CSGALNACT1: variants seen among roughly 807,000 people sequenced by gnomAD.
CSGALNACT1 encodes the protein chondroitin sulfate N-acetylgalactosaminyltransferase 1.
CSGALNACT1 carries 52 observed loss-of-function variants against 51.0 expected under a neutral mutation model. That is an observed-to-expected ratio of 1.02 (90% CI 0.82 to 1.29). CSGALNACT1 has a LOEUF of 1.29. Among genes scored for constraint, CSGALNACT1 ranks in the 50% most tolerant of loss-of-function variants. The probability of loss-of-function intolerance (pLI) is 0.00; values close to 1 mark genes in which losing one functional copy is unlikely to be tolerated. For missense variants in CSGALNACT1, 935 were observed against 679.2 expected (o/e 1.38, Z -4.19); for synonymous variants, 341 against 254.4 (o/e 1.34, Z -3.24).
At chr8:19,591,127 T>A (rs2047727199) in intron 3 of CSGALNACT1, 1 of 152,214 alleles carries the variant, frequency 6.6e-6, no homozygotes, top group Non-Finnish European at 1.5e-5. Context: ...ACAGAGCTGA[T>A]ATTTAGAAGA....
chr8:19,452,749 G>A (rs2063415469), intron 5 of CSGALNACT1, among the ~76,000 whole-genome samples: 1 of 152,034 alleles, frequency 6.6e-6, no homozygotes, highest in Non-Finnish European at 1.5e-5. Context: ...AGCCAAGTAT[G>A]ATACCTCTAC....
At chr8:19,582,416 C>T (rs538327823) in intron 3 of CSGALNACT1, among the ~76,000 whole-genome samples, 56 of 152,222 alleles carry the variant, frequency 3.7e-4, no homozygotes, top group African/African-American at 1.3e-3. Flanking sequence ...GCTTATTTCC[C>T]CTCAAAGTCC....
intron 4 of CSGALNACT1, among the ~76,000 whole-genome samples, chr8:19,504,036 G>C (rs371676610): frequency 2.8e-4 from 42 of 152,308 alleles, no homozygotes; most frequent in African/African-American, 9.6e-4. Flanking sequence ...CCAAAGCAGT[G>C]AGTGGTGTTA....
At chr8:19,446,248 C>G (rs2062092627) in intron 5 of CSGALNACT1, among the ~76,000 whole-genome samples, 1 of 152,128 alleles carries the variant, frequency 6.6e-6, no homozygotes, top group Non-Finnish European at 1.5e-5. Context: ...TATTCAAACT[C>G]CGGGCTTTGC....
intron 1 of CSGALNACT1, among the ~76,000 whole-genome samples, chr8:19,722,495 C>T (rs2063178835): frequency 6.6e-6 from 1 of 152,188 alleles, no homozygotes. Context: ...TATTAGGTTT[C>T]AGAGCCAAGA....
At chr8:19,429,744 G>A (rs940595798) in intron 6 of CSGALNACT1, among the ~76,000 whole-genome samples, 1 of 152,116 alleles carries the variant, frequency 6.6e-6, no homozygotes, top group Non-Finnish European at 1.5e-5. Flanking sequence ...TATATACCTG[G>A]GATCAGAACT....
rs117230212 is a variant in CSGALNACT1 at position 19,660,378 on chromosome 8, A to G, written c.-544+22095T>C. Among the ~76,000 whole-genome samples the G allele has an allele frequency of 2.7e-3, 416 of 152,328 alleles. 5 individuals are homozygous for G. In the East Asian group the frequency reaches 0.035, roughly 13 times the overall value. Reference sequence around the variant, plus strand: ...AATCCCCCTAAGCCTTAATTTCTTCATCTGTAAATTGGGGATAATTATACC... The same window carrying G: ...AATCCCCCTAAGCCTTAATTTCTTCGTCTGTAAATTGGGGATAATTATACC... On this transcript the variant is annotated intron_variant, in intron 1 of 9. Transcript: ENST00000332246.
intron 5 of CSGALNACT1, among the ~76,000 whole-genome samples, chr8:19,456,518 C>T (rs189238139): frequency 4.6e-5 from 7 of 152,322 alleles, no homozygotes; most frequent in East Asian, 1.9e-4. Flanking sequence ...TTCAGAACGC[C>T]GCAGGTTCAG....
chr8:19,671,417 TTATGGAAAA>T (rs2059787856), intron 1 of CSGALNACT1, among the ~76,000 whole-genome samples: 1 of 152,226 alleles, frequency 6.6e-6, no homozygotes, highest in African/African-American at 2.4e-5. Flanking sequence ...CCCATTTTTA[TTATGGAAAA>T]TATGGAAAAC....
chr8:19,442,632 G>A (rs1332270049), intron 5 of CSGALNACT1, among the ~76,000 whole-genome samples: 2 of 151,486 alleles, frequency 1.3e-5, no homozygotes, highest in Non-Finnish European at 2.9e-5. Context: ...TGACGAGTTA[G>A]TGGGTGCAGC....
At chr8:19,671,464 C>G (rs2059791046) in intron 1 of CSGALNACT1, among the ~76,000 whole-genome samples, 1 of 152,130 alleles carries the variant, frequency 6.6e-6, no homozygotes, top group African/African-American at 2.4e-5. Flanking sequence ...AAAGTTAACA[C>G]CCACCAATAT....
At chr8:19,622,624 C>T (rs2053958607) in intron 1 of CSGALNACT1, among the ~76,000 whole-genome samples, 1 of 152,082 alleles carries the variant, frequency 6.6e-6, no homozygotes, top group Non-Finnish European at 1.5e-5. Flanking sequence ...TTTTAAAGCC[C>T]TTGCATTGTC....
At chr8:19,566,165 T>C (rs2154103104) in intron 3 of CSGALNACT1, among the ~76,000 whole-genome samples, 1 of 152,344 alleles carries the variant, frequency 6.6e-6, no homozygotes, top group East Asian at 1.9e-4. Flanking sequence ...GAGGAATTTA[T>C]CCTGGATTAT....
intron 4 of CSGALNACT1, among the ~76,000 whole-genome samples, chr8:19,498,886 G>A (rs544466213): frequency 4.1e-4 from 63 of 152,342 alleles, no homozygotes; most frequent in Non-Finnish European, 7.6e-4. Context: ...TGCCAAGGTG[G>A]GAGGATCACT....
chr8:19,689,845 A>T (rs1012344216), intron 1 of CSGALNACT1, among the ~76,000 whole-genome samples: 14 of 152,242 alleles, frequency 9.2e-5, no homozygotes, highest in African/African-American at 3.1e-4. Flanking sequence ...CCTTACAAGG[A>T]AAGTGACGTA....
At chr8:19,603,846 G>A (rs1021154511), upstream of CSGALNACT1, among the ~76,000 whole-genome samples, 1 of 152,268 alleles carries the variant, frequency 6.6e-6, no homozygotes, top group Admixed American at 6.5e-5. Flanking sequence ...AAAACAAATA[G>A]ACTGTCAGCT....
intron 3 of CSGALNACT1, among the ~76,000 whole-genome samples, chr8:19,589,362 G>C (rs1158350051): frequency 6.6e-6 from 1 of 152,114 alleles, no homozygotes; most frequent in African/African-American, 2.4e-5. Flanking sequence ...GTCTTGCTTT[G>C]TCACCCAGGC....
chr8:19,441,978 C>G (rs1344632225), intron 5 of CSGALNACT1, among the ~76,000 whole-genome samples: 1 of 152,340 alleles, frequency 6.6e-6, no homozygotes, highest in African/African-American at 2.4e-5. Flanking sequence ...TGATCATCAT[C>G]CCTGGCAATC....
chr8:19,734,651 T>C (rs1161042451), intron 1 of CSGALNACT1, among the ~76,000 whole-genome samples: 13 of 152,180 alleles, frequency 8.5e-5, no homozygotes, highest in Admixed American at 7.2e-4. Flanking sequence ...TCTTCTCTTC[T>C]TCTATTAGTG....
Sources: allele counts gnomAD v4.1 joint callset (sites outside exome capture counted in the v4.1 genomes callset), GRCh38; gene constraint gnomAD v4.1.1; transcripts MANE v1.5; gene names NCBI Gene and HGNC (gene_info 2026-07-23, HGNC 2026-07-21).